BBS2: variants seen among roughly 807,000 people sequenced by gnomAD.
BBS2 encodes Bardet-Biedl syndrome 2.
In BBS2, 62 loss-of-function variants were observed where a neutral mutation model predicts 83.0. That is an observed-to-expected ratio of 0.75 (90% CI 0.61 to 0.92). The LOEUF (loss-of-function observed/expected upper bound fraction) is 0.92, where lower values mean the gene tolerates loss of function less well. Among genes scored for constraint, BBS2 ranks in the 40% least tolerant of loss-of-function variants. The pLI is 0.00. For synonymous variants in BBS2, 303 were observed against 326.1 expected (o/e 0.93, Z 0.76); for missense variants, 784 against 901.0 (o/e 0.87, Z 1.66).
At position 56,519,986 on chromosome 16, in the gene BBS2, C is replaced by T; in HGVS notation, c.-124G>A. On this transcript the variant is annotated 5_prime_UTR_variant, in exon 1 of 17. Coordinates refer to ENST00000245157, the MANE Select transcript of BBS2 (RefSeq NM_031885.5). ...GCGGCCCCAGCCGCCTCAGGCCGGACGCGAAACAGCCCGGGACGAACCCGT... is the reference window on the plus strand; with the variant it reads ...GCGGCCCCAGCCGCCTCAGGCCGGATGCGAAACAGCCCGGGACGAACCCGT... The T allele has an allele frequency of 1.2e-6, 1 of 829,440 alleles. No homozygotes were observed. Among genetic ancestry groups the T allele is most frequent in the Non-Finnish European group, 2.0e-6 (1 of 495,048 alleles). 51.4% of individuals were successfully genotyped at this position (829,440 alleles called of 1,614,324 possible).
rs79204166 is a variant in BBS2 at position 56,475,799 on chromosome 16, A to G, written c.*1-5104T>C. Among the ~76,000 whole-genome samples, 1,469 of 152,354 alleles carry G rather than the reference A, an allele frequency of 9.6e-3. 16 individuals are homozygous for G. The highest frequency in any genetic ancestry group is 0.067 in the East Asian group (346 of 5,186). On this transcript the variant is annotated intron_variant, in intron 17 of 17. Transcript: ENST00000682047. ...TTCCAAATTAAGAGCCATGTGGTGC[A>G]TTCCCACAAATCTTACAATGTAGTA... is the stretch of plus-strand genomic sequence containing the variant.
chr16:56,488,269 T>C (rs1249805504), intron 15 of BBS2, among the ~76,000 whole-genome samples: 1 of 152,096 alleles, frequency 6.6e-6, no homozygotes, highest in Non-Finnish European at 1.5e-5. Context: ...TCCGACACGA[T>C]TCCCCCGGAG....
intron 17 of BBS2, chr16:56,476,253 G>T (rs371200519): frequency 1.9e-6 from 3 of 1,568,812 alleles, no homozygotes; most frequent in South Asian, 2.4e-5. Context: ...GTAATTACTG[G>T]GAAGTCTGAA....
At chr16:56,475,590 A>G in intron 17 of BBS2, 1 of 1,606,306 alleles carries the variant, frequency 6.2e-7, no homozygotes, top group Non-Finnish European at 8.5e-7. Flanking sequence ...ATAGCAAACT[A>G]TCATTTTTAG....
At chr16:56,479,335 G>A (rs952009094) in intron 17 of BBS2, among the ~76,000 whole-genome samples, 2 of 152,152 alleles carry the variant, frequency 1.3e-5, no homozygotes, top group African/African-American at 4.8e-5. Context: ...TTAGCTGGGT[G>A]TGCTGGCACG....
At chr16:56,473,079 T>C (rs1279575708) in intron 17 of BBS2, among the ~76,000 whole-genome samples, 1 of 152,084 alleles carries the variant, frequency 6.6e-6, no homozygotes, top group South Asian at 2.1e-4. Flanking sequence ...TACAGGCGCA[T>C]GCCACCACGC....
chr16:56,504,639 A>AT (rs1289967579), intron 7 of BBS2, among the ~76,000 whole-genome samples: 1 of 152,230 alleles, frequency 6.6e-6, no homozygotes, highest in Non-Finnish European at 1.5e-5. Context: ...AACGCATTAC[A>AT]TAATAGAAAT....
chr16:56,485,047 G>C (rs1432406997), intron 16 of BBS2, among the ~76,000 whole-genome samples, 180 bp from the exon 17 acceptor site: 1 of 152,106 alleles, frequency 6.6e-6, no homozygotes. Flanking sequence ...AACTGACTTA[G>C]AGACTGTCTC....
chr16:56,512,252 A>G (rs569197521), intron 2 of BBS2, among the ~76,000 whole-genome samples: 13 of 152,360 alleles, frequency 8.5e-5, no homozygotes, highest in African/African-American at 3.1e-4. Context: ...GCAGGAGTAT[A>G]AAGTGATACA....
intron 15 of BBS2, among the ~76,000 whole-genome samples, chr16:56,489,144 G>A (rs1162179047): frequency 6.6e-6 from 1 of 151,848 alleles, no homozygotes; most frequent in Non-Finnish European, 1.5e-5. Context: ...TTTGAGACTA[G>A]CCTGGGCAAT....
At chr16:56,506,262 T>C in intron 5 of BBS2, 38 bp from the exon 6 acceptor site, 3 of 1,478,898 alleles carry the variant, frequency 2.0e-6, no homozygotes, top group Non-Finnish European at 1.9e-6. Context: ...ATCTTTTCAT[T>C]AAGACTCAGT....
intron 14 of BBS2, chr16:56,497,324 C>T (rs1964143146): frequency 3.6e-6 from 2 of 559,328 alleles, no homozygotes; most frequent in African/African-American, 3.8e-5. Flanking sequence ...GCCCCCACAA[C>T]ACACATATTA....
chr16:56,498,755 ACACTAGTCACATTCCCTTTT>A, intron 12 of BBS2, 187 bp from the exon 13 acceptor site: 7 of 1,470,768 alleles, frequency 4.8e-6, no homozygotes. Context: ...AAATACTAAA[ACACTAGTCACATTCCCTTTT>A]CTCACCTCAC....
chr16:56,495,766 A>ATGTGTGTG (rs34446691), intron 15 of BBS2, among the ~76,000 whole-genome samples: 1 of 149,208 alleles, frequency 6.7e-6, no homozygotes, highest in Non-Finnish European at 1.5e-5. Flanking sequence ...GTGTGTATAT[A>ATGTGTGTG]TGTGTGTGTG....
intron 8 of BBS2, 25 bp from the exon 9 acceptor site, chr16:56,502,481 G>A (rs1964303797): frequency 5.6e-6 from 9 of 1,613,946 alleles, no homozygotes; most frequent in Admixed American, 3.3e-5. Flanking sequence ...AAAACCGCAA[G>A]TATAACCAGG....
intron 9 of BBS2, 181 bp downstream of exon 9, chr16:56,502,136 C>T (rs1964292961): frequency 1.2e-6 from 1 of 813,160 alleles, no homozygotes; most frequent in African/African-American, 1.7e-5. Flanking sequence ...AACATTTCTA[C>T]AGTTTAACTA....
chr16:56,494,973 A>C (rs1188078545), intron 15 of BBS2, among the ~76,000 whole-genome samples: 2 of 152,066 alleles, frequency 1.3e-5, no homozygotes, highest in Non-Finnish European at 2.9e-5. Context: ...AAAAAAAAAA[A>C]AAAAACTAGC....
intron 17 of BBS2, among the ~76,000 whole-genome samples, chr16:56,472,400 T>A (rs545958045): frequency 6.6e-6 from 1 of 152,274 alleles, no homozygotes; most frequent in African/African-American, 2.4e-5. Flanking sequence ...CAGGGGGCCT[T>A]GGGTGAAAGC....
chr16:56,475,102 C>A, intron 17 of BBS2: 1 of 781,032 alleles, frequency 1.3e-6, no homozygotes, highest in Non-Finnish European at 2.0e-6. Flanking sequence ...TTTTACGGGT[C>A]ATGAATTCCA....
Sources: allele counts gnomAD v4.1 joint callset (sites outside exome capture counted in the v4.1 genomes callset), GRCh38; gene constraint gnomAD v4.1.1; transcripts MANE v1.5; gene names NCBI Gene and HGNC (gene_info 2026-07-23, HGNC 2026-07-21).